The following TUBGCP5 variants were observed in gnomAD, a reference collection of about 807,000 sequenced individuals.
TUBGCP5 encodes the protein tubulin gamma complex component 5.
TUBGCP5 carries 98 observed loss-of-function variants against 134.7 expected under a neutral mutation model. That is an observed-to-expected ratio of 0.73 (90% CI 0.62 to 0.86). The LOEUF (loss-of-function observed/expected upper bound fraction) is 0.86, where lower values mean the gene tolerates loss of function less well. Ranked by LOEUF, TUBGCP5 falls within the 40% of genes least tolerant of loss-of-function variation. The pLI, the probability that TUBGCP5 is intolerant of heterozygous loss-of-function variation, is 0.00. For synonymous variants in TUBGCP5, 456 were observed against 431.4 expected, an observed-to-expected ratio of 1.06 and a Z score of -0.71; for missense variants, 1,150 against 1,244.8, an observed-to-expected ratio of 0.92 and a Z score of 1.15.
chr15:23,007,909 C>T (rs1352272592), intron 16 of TUBGCP5, among the ~76,000 whole-genome samples: 1 of 152,024 alleles, frequency 6.6e-6, no homozygotes, highest in Non-Finnish European at 1.5e-5. Context: ...CTGAGAGACA[C>T]AGAGGTCATT....
rs1313993236 is a variant in TUBGCP5 at position 23,024,204 on chromosome 15, A to C, written c.922-11T>G. ...AGATCGTAAACAGCTCTACAACACAAGCAAACTGCAATTATTCAAAGGTGG... is the reference window on the plus strand; with the variant it reads ...AGATCGTAAACAGCTCTACAACACACGCAAACTGCAATTATTCAAAGGTGG... On this transcript the variant is annotated splice_polypyrimidine_tract_variant and intron_variant, in intron 9 of 22. Coordinates refer to ENST00000615383, the MANE Select transcript of TUBGCP5 (RefSeq NM_052903.6). 1 of 1,607,562 alleles carries C rather than the reference A, an allele frequency of 6.2e-7. No homozygotes were observed. The highest frequency in any genetic ancestry group is 8.5e-7 in the Non-Finnish European group (1 of 1,175,742).
chr15:23,033,272 T>C (rs946075634), intron 3 of TUBGCP5, among the ~76,000 whole-genome samples: 4 of 152,020 alleles, frequency 2.6e-5, no homozygotes, highest in Non-Finnish European at 4.4e-5. Flanking sequence ...CAAACTTATG[T>C]TGTTTCATAT....
chr15:22,988,606 G>A (rs904585409), intron 23 of TUBGCP5, among the ~76,000 whole-genome samples: 8 of 151,378 alleles, frequency 5.3e-5, no homozygotes. Flanking sequence ...CGTGGTGGTG[G>A]GTGCCTGTAG....
chr15:22,988,504 C>A (rs146514982), intron 23 of TUBGCP5, among the ~76,000 whole-genome samples: 10 of 151,456 alleles, frequency 6.6e-5, no homozygotes, highest in South Asian at 2.1e-4. Flanking sequence ...GAGGCCAAGG[C>A]GGGCGTATCA....
In TUBGCP5 at chr15:22,985,804, C is replaced by T. The variant is rs528723338; in HGVS notation, c.*62-2193G>A. On this transcript the variant is annotated intron_variant and NMD_transcript_variant, in intron 23 of 23. Coordinates refer to the TUBGCP5 transcript ENST00000614508. ...GAGCCAAGATCCTGCCACTGCACTC[C>T]AGCCTGGGCGACAGAGTGAGACTCC... Among the ~76,000 whole-genome samples, 6 of 151,892 alleles carry T rather than the reference C, an allele frequency of 4.0e-5. No homozygotes were observed. The South Asian group carries it at 1.0e-3, about 26-fold the overall frequency.
At chr15:23,018,382 CA>C (rs1461513919) in intron 12 of TUBGCP5, among the ~76,000 whole-genome samples, 1 of 152,158 alleles carries the variant, frequency 6.6e-6, no homozygotes, top group African/African-American at 2.4e-5. Context: ...ATTTTCCCTA[CA>C]AAGATTCTTA....
chr15:23,039,124 G>T (rs979287444), intron 1 of TUBGCP5, among the ~76,000 whole-genome samples: 1 of 152,050 alleles, frequency 6.6e-6, no homozygotes, highest in African/African-American at 2.4e-5. Context: ...GGGGTTGCAG[G>T]CGCGCGCGCC....
intron 5 of TUBGCP5, 23 bp downstream of exon 5, chr15:23,031,927 A>G (rs1225618774): frequency 1.1e-5 from 17 of 1,580,548 alleles, no homozygotes; most frequent in Non-Finnish European, 1.3e-5. Flanking sequence ...TCAATTTTCA[A>G]TAGCAAAACT....
chr15:23,032,614 A>C, intron 4 of TUBGCP5, 114 bp downstream of exon 4: 1 of 673,198 alleles, frequency 1.5e-6, no homozygotes. Flanking sequence ...AAGCAATAGA[A>C]ATACTTTAGT....
intron 23 of TUBGCP5, among the ~76,000 whole-genome samples, chr15:22,992,607 AT>A: frequency 6.6e-6 from 1 of 152,160 alleles, no homozygotes; most frequent in South Asian, 2.1e-4. Context: ...ACAGGTGGGC[AT>A]GGCTCTGGGA....
At chr15:22,987,350 A>C (rs2063709916) in intron 23 of TUBGCP5, among the ~76,000 whole-genome samples, 1 of 151,718 alleles carries the variant, frequency 6.6e-6, no homozygotes. Context: ...AAAAAAAAAA[A>C]AGAAAAGAAA....
chr15:23,036,741 G>C (rs963122634), intron 3 of TUBGCP5, among the ~76,000 whole-genome samples, 156 bp downstream of exon 3: 2 of 152,090 alleles, frequency 1.3e-5, no homozygotes, highest in African/African-American at 4.8e-5. Context: ...AGGCATATCT[G>C]GTTTGATGGC....
chr15:23,029,754 G>A (rs1004854972), intron 6 of TUBGCP5, among the ~76,000 whole-genome samples: 2 of 151,892 alleles, frequency 1.3e-5, no homozygotes, highest in African/African-American at 4.8e-5. Flanking sequence ...TGTGGTACAC[G>A]CCTGTAACCC....
intron 16 of TUBGCP5, among the ~76,000 whole-genome samples, chr15:23,007,177 G>A (rs1171764799): frequency 1.3e-5 from 2 of 152,036 alleles, no homozygotes; most frequent in Non-Finnish European, 2.9e-5. Context: ...TGGCATCCTC[G>A]AGGATCACGA....
Position 23,013,867 on chromosome 15 carries a change from G to A in TUBGCP5, c.1757-2536C>T, listed in dbSNP as rs1352701635. On this transcript the variant is annotated intron_variant, in intron 13 of 22. Coordinates refer to ENST00000615383, the MANE Select transcript of TUBGCP5 (RefSeq NM_052903.6). The surrounding 1 kb of genome is among the most constrained non-coding windows in gnomAD (Gnocchi z 4.5). Reference sequence around the variant, plus strand: ...CACGCCCTCCTCTGGGCCAGTAGCTGCTGCACCTCTCCTGCACCCCAGCCA... The same window carrying A: ...CACGCCCTCCTCTGGGCCAGTAGCTACTGCACCTCTCCTGCACCCCAGCCA... Among the ~76,000 whole-genome samples the A allele has an allele frequency of 6.6e-6, 1 of 152,150 alleles. No individual in the cohort carries two copies. Among genetic ancestry groups the A allele is most frequent in the African/African-American group, 2.4e-5 (1 of 41,442 alleles).
chr15:23,030,561 T>G (rs1408325061), intron 6 of TUBGCP5, among the ~76,000 whole-genome samples: 7 of 142,384 alleles, frequency 4.9e-5, no homozygotes, highest in Admixed American at 2.2e-4. Flanking sequence ...AGAGCTGGAG[T>G]GCAGTGGCAC....
At chr15:23,030,383 C>T (rs977356672) in intron 6 of TUBGCP5, among the ~76,000 whole-genome samples, 1 of 152,278 alleles carries the variant, frequency 6.6e-6, no homozygotes, top group Non-Finnish European at 1.5e-5. Context: ...GCAGCTGTCC[C>T]TCAGTATCCA....
chr15:23,039,423 G>A lies in TUBGCP5; in HGVS notation c.121C>T (p.Leu41=). 2.0e-6 allele frequency: 3 copies of A among 1,527,032 alleles called. No individual in the cohort carries two copies. The highest frequency in any genetic ancestry group is 1.8e-6 in the Non-Finnish European group (2 of 1,131,488). The allele number at this position is 1,527,032 out of a possible 1,614,324, so 94.6% of individuals were successfully genotyped here. A position where few individuals can be genotyped will look rare whatever the true frequency, so the allele number is the denominator to read the frequency against. Residue 41 remains leucine (L), a synonymous_variant, in exon 1 of 23, where the codon CTA becomes TTA. Coordinates refer to ENST00000615383, the MANE Select transcript of TUBGCP5 (RefSeq NM_052903.6). ...DEADPNFQLA[L]NFAWSNFRFH... The stretch of plus-strand genomic sequence containing the variant: ...CTGAAGTTGGACCAGGCGAAGTTTA[G>A]GGCGAGCTGGAAGTTGGGGTCTGCC...
In TUBGCP5 at chr15:23,008,707, A is replaced by G. The variant is rs2064864859; in HGVS notation, c.2319T>C (p.Asp773=). Residue 773 remains aspartate, a synonymous_variant, in exon 16 of 23, where the codon GAT becomes GAC. Coordinates refer to ENST00000615383, the MANE Select transcript of TUBGCP5 (RefSeq NM_052903.6). ...TGGCGTCCATATTTTACCGTGAACTATCTTCAGGATAACGCTGTCCTACTG... is the reference window on the plus strand; with the variant it reads ...TGGCGTCCATATTTTACCGTGAACTGTCTTCAGGATAACGCTGTCCTACTG... ...QEAVGQRYPE[D]SSRLSISFEN... 1 of 1,607,368 alleles carries G rather than the reference A, an allele frequency of 6.2e-7. No individual in the cohort carries two copies. The highest frequency in any genetic ancestry group is 1.3e-5 in the African/African-American group (1 of 74,308).
Sources: gnomAD v4.1 joint callset for allele counts (sites outside exome capture counted in the v4.1 genomes callset) on GRCh38, gnomAD v4.1.1 for gene constraint, Gnocchi (gnomAD v3.1) non-coding constraint, MANE v1.5 for transcripts, NCBI Gene and HGNC (gene_info 2026-07-23, HGNC 2026-07-21) for gene names.